The following VRK3 variants were observed in gnomAD, a reference collection of about 807,000 sequenced individuals.
VRK3 encodes serine/threonine-protein kinase VRK3.
A neutral mutation model predicts 60.4 loss-of-function variants in VRK3; 50 were observed. The ratio of observed to expected loss-of-function variants is 0.83; its 90% CI spans 0.66 to 1.05. The LOEUF is 1.05. Ranked by LOEUF, VRK3 falls within the 50% of genes least tolerant of loss-of-function variation. The probability of loss-of-function intolerance (pLI) is 0.00; values close to 1 mark genes in which losing one functional copy is unlikely to be tolerated. For synonymous variants in VRK3, 246 were observed against 227.8 expected (o/e 1.08, Z -0.72); for missense variants, 549 against 585.3 (o/e 0.94, Z 0.64).
At chr19:50,004,679 G>A (rs1256237104) in intron 5 of VRK3, among the ~76,000 whole-genome samples, 8 of 152,064 alleles carry the variant, frequency 5.3e-5, no homozygotes, top group Admixed American at 1.3e-4. Context: ...AGGCTGAGGC[G>A]GGAGGATCGC....
intron 7 of VRK3, among the ~76,000 whole-genome samples, chr19:49,995,955 G>A (rs750852890): frequency 6.6e-6 from 1 of 151,130 alleles, no homozygotes; most frequent in Non-Finnish European, 1.5e-5. Flanking sequence ...TGGAGTCTTC[G>A]TCTGTCACCA....
intron 3 of VRK3, among the ~76,000 whole-genome samples, chr19:50,011,627 C>CTAAAA (rs2076996856): frequency 6.6e-6 from 1 of 151,532 alleles, no homozygotes; most frequent in Non-Finnish European, 1.5e-5. Flanking sequence ...CTGTCTTCCC[C>CTAAAA]CAGGCAGAAA....
intron 1 of VRK3, among the ~76,000 whole-genome samples, chr19:50,022,533 C>T (rs927155442): frequency 6.6e-6 from 1 of 152,118 alleles, no homozygotes; most frequent in African/African-American, 2.4e-5. Flanking sequence ...CGCCTGTGAT[C>T]CCAGCACTTT....
At chr19:50,019,715 C>CTTTTTTTTTTTTTTTT (rs1225686835) in intron 2 of VRK3, among the ~76,000 whole-genome samples, 92 of 50,348 alleles carry the variant, frequency 1.8e-3, no homozygotes, top group Middle Eastern at 0.015. Flanking sequence ...TTTTTTTTTA[C>CTTTTTTTTTTTTTTTT]TTTTTGTAGA....
At chr19:49,996,303 G>A (rs765496047) in intron 7 of VRK3, among the ~76,000 whole-genome samples, 3 of 151,578 alleles carry the variant, frequency 2.0e-5, no homozygotes, top group Non-Finnish European at 1.5e-5. Context: ...GTGATCCACC[G>A]GCCTCCGCCT....
At chr19:49,996,315 CA>C in intron 7 of VRK3, among the ~76,000 whole-genome samples, 1 of 152,254 alleles carries the variant, frequency 6.6e-6, no homozygotes, top group South Asian at 2.1e-4. Flanking sequence ...CCTCCGCCTC[CA>C]AAAGTGTGGG....
At position 50,017,250 on chromosome 19, in the gene VRK3, G is replaced by C. The variant is rs1027588588; in HGVS notation, c.-1-1087C>G. 1.7e-4 allele frequency among the ~76,000 whole-genome samples: 26 copies of C among 151,298 alleles called. No individual in the cohort carries two copies. The South Asian group carries it at 2.1e-3, about 12-fold the overall frequency. On this transcript the variant is annotated intron_variant, in intron 2 of 14. Coordinates refer to ENST00000316763, the MANE Select transcript of VRK3 (RefSeq NM_016440.4). Reference sequence around the variant, plus strand: ...AAAAGGCCATTTATTTGTTCTTATAGTCTCAGGCTTACTGTACATTAGCAA... The same window carrying C: ...AAAAGGCCATTTATTTGTTCTTATACTCTCAGGCTTACTGTACATTAGCAA...
intron 13 of VRK3, among the ~76,000 whole-genome samples, chr19:49,979,891 A>G (rs576769831): frequency 6.6e-6 from 1 of 151,288 alleles, no homozygotes; most frequent in Non-Finnish European, 1.5e-5. Context: ...AAAAAAAAAA[A>G]TACAAAAAAT....
intron 7 of VRK3, chr19:49,996,889 C>CT (rs1311973690): frequency 6.6e-6 from 1 of 150,456 alleles, no homozygotes; most frequent in African/African-American, 2.4e-5. Flanking sequence ...AGTGCTAAGA[C>CT]TACAGGCATG....
chr19:50,009,132 GGAT>G (rs2076952590), intron 4 of VRK3, 101 bp downstream of exon 4: 2 of 1,345,900 alleles, frequency 1.5e-6, no homozygotes, highest in Non-Finnish European at 1.0e-6. Context: ...AGGCAGGGAT[GGAT>G]GATGTTTGAG....
chr19:50,009,154 G>A lies in VRK3; in HGVS notation c.289+82C>T. 2.0e-6 allele frequency: 3 copies of A among 1,493,102 alleles called. No individual in the cohort carries two copies. In the South Asian group the frequency reaches 3.8e-5, roughly 19 times the overall value. The allele number at this position is 1,493,102 out of a possible 1,614,324, so 92.5% of individuals were successfully genotyped here. On this transcript the variant is annotated intron_variant, in intron 4 of 14. Transcript: ENST00000316763. ...GATGGATGATGTTTGAGCCGGGGCT[G>A]TGGCAGTTTTGTCCCAAAGATCATC...
intron 5 of VRK3, among the ~76,000 whole-genome samples, chr19:50,004,438 T>C (rs1193870429): frequency 1.3e-5 from 2 of 152,188 alleles, no homozygotes; most frequent in African/African-American, 4.8e-5. Flanking sequence ...TCCTTCTCCT[T>C]TCTCTCCCTT....
At chr19:49,992,731 G>T in intron 10 of VRK3, 129 bp downstream of exon 10, 1 of 748,790 alleles carries the variant, frequency 1.3e-6, no homozygotes, top group Non-Finnish European at 2.1e-6. Flanking sequence ...TTTATTTGAA[G>T]GAGCTCTTTA....
intron 12 of VRK3, among the ~76,000 whole-genome samples, chr19:49,984,718 C>T (rs1454921233): frequency 6.6e-6 from 1 of 152,136 alleles, no homozygotes; most frequent in Admixed American, 6.5e-5. Flanking sequence ...GCAGCCTCCA[C>T]CTCCTTGGAC....
chr19:49,982,206 C>T (rs1290226806), intron 12 of VRK3: 2 of 702,890 alleles, frequency 2.8e-6, no homozygotes, highest in Admixed American at 4.0e-5. Flanking sequence ...GATAAGAATT[C>T]CCCACAGACT....
At chr19:50,001,940 T>G (rs1419200188) in intron 5 of VRK3, among the ~76,000 whole-genome samples, 1 of 151,776 alleles carries the variant, frequency 6.6e-6, no homozygotes, top group Non-Finnish European at 1.5e-5. Flanking sequence ...GCATCCCCCT[T>G]CACGCACACT....
chr19:49,994,259 T>A (rs1454812885), intron 9 of VRK3, among the ~76,000 whole-genome samples: 3 of 152,122 alleles, frequency 2.0e-5, no homozygotes, highest in Non-Finnish European at 4.4e-5. Flanking sequence ...TGATTCACTA[T>A]TGGCCCCTCC....
chr19:50,000,649 C>T lies in VRK3; in HGVS notation c.612+141G>A, dbSNP rs1019440113. On this transcript the variant is annotated intron_variant, in intron 6 of 14. Coordinates refer to ENST00000316763, the MANE Select transcript of VRK3 (RefSeq NM_016440.4). ...ATGGAGAACTGGGCGCCTGCCCCGC[C>T]CACGGTCTTAATACTCCTTGCAGGT... 5.6e-5 allele frequency: 55 copies of T among 974,666 alleles called. No homozygotes were observed. In the East Asian group the frequency reaches 1.5e-3, roughly 26 times the overall value. The allele number at this position is 974,666 out of a possible 1,614,324, so 60.4% of individuals were successfully genotyped here.
intron 12 of VRK3, 134 bp from the exon 13 acceptor site, chr19:49,981,147 T>G: frequency 2.4e-6 from 2 of 823,408 alleles, no homozygotes; most frequent in Non-Finnish European, 4.0e-6. Context: ...AGTTATGTTC[T>G]TAAAGTCACT....
Sources: allele counts gnomAD v4.1 joint callset (sites outside exome capture counted in the v4.1 genomes callset), GRCh38; gene constraint gnomAD v4.1.1; transcripts MANE v1.5; gene names NCBI Gene and HGNC (gene_info 2026-07-23, HGNC 2026-07-21).